CCNB2: variants seen among roughly 807,000 people sequenced by gnomAD.
CCNB2 encodes cyclin B2.
Under a neutral mutation model 51.1 loss-of-function variants are expected in CCNB2, and 39 were observed. That is an observed-to-expected ratio of 0.76 (90% CI 0.59 to 1.00). The LOEUF (loss-of-function observed/expected upper bound fraction) is 1.00. Among genes scored for constraint, CCNB2 ranks in the 50% least tolerant of loss-of-function variants. CCNB2 has a pLI of 0.00. For missense variants in CCNB2, 472 were observed against 470.3 expected (o/e 1.00, Z -0.03); for synonymous variants, 174 against 165.5 (o/e 1.05, Z -0.40).
chr15:59,120,152 G>A (rs1566957700), intron 7 of CCNB2, among the ~76,000 whole-genome samples: 1 of 152,204 alleles, frequency 6.6e-6, no homozygotes, highest in Non-Finnish European at 1.5e-5. Context: ...TGACAACTCA[G>A]TAGTAGTGAG....
At chr15:59,117,653 G>A (rs2079284715) in intron 7 of CCNB2, among the ~76,000 whole-genome samples, 1 of 152,084 alleles carries the variant, frequency 6.6e-6, no homozygotes, top group Admixed American at 6.5e-5. Context: ...AAATTTTTTT[G>A]TAGAGACAGG....
chr15:59,115,354 G>GT (rs1301431121), intron 5 of CCNB2, among the ~76,000 whole-genome samples: 1 of 152,092 alleles, frequency 6.6e-6, no homozygotes, highest in South Asian at 2.1e-4. Context: ...GGCAGTATTT[G>GT]TTTTTTTTAA....
chr15:59,116,872 G>A lies in CCNB2; in HGVS notation c.780G>A (p.Glu260=), dbSNP rs2079281178. Residue 260 remains glutamate (E), a synonymous_variant, in exon 6 of 9, where the codon GAG becomes GAA. Transcript: ENST00000288207. ...ETLILKELKF[E]LGRPLPLHFL... is the part of the protein sequence containing the mutation. ...TAATTTTGAAAGAATTGAAATTTGA[G>A]TTGGGTCGACCCTTGCCACTACACT... 1.2e-6 allele frequency: 2 copies of A among 1,614,212 alleles called. No individual in the cohort carries two copies. Among genetic ancestry groups the A allele is most frequent in the Non-Finnish European group, 1.7e-6 (2 of 1,180,026 alleles).
At chr15:59,123,693 C>CGGGGG (rs371736407) in intron 8 of CCNB2, 66 bp downstream of exon 8, 2 of 384,588 alleles carry the variant, frequency 5.2e-6, no homozygotes, top group African/African-American at 2.9e-5. Context: ...GTATGTTGGG[C>CGGGGG]GGGGGGGGGC....
chr15:59,117,208 C>A lies in CCNB2; in HGVS notation c.835-20C>A, dbSNP rs769923427. On this transcript the variant is annotated intron_variant, in intron 6 of 8. Coordinates refer to ENST00000288207, the MANE Select transcript of CCNB2 (RefSeq NM_004701.4). ...TAATTACACTTGTGATTCTTACTAT[C>A]CCTTGCTGTTCTTTCTTAGGTTGAT... The A allele has an allele frequency of 5.6e-6, 9 of 1,608,908 alleles. No homozygotes were observed. The highest frequency in any genetic ancestry group is 1.7e-5 in the Admixed American group (1 of 59,944).
At chr15:59,111,176 T>G (rs759603459) in intron 3 of CCNB2, among the ~76,000 whole-genome samples, 1 of 152,228 alleles carries the variant, frequency 6.6e-6, no homozygotes, top group Non-Finnish European at 1.5e-5. Flanking sequence ...GCAAGAATCT[T>G]TGTCTTATCC....
Position 59,117,296 on chromosome 15 carries a change from G to T in CCNB2, c.903G>T (p.Val301=). The change falls in exon 7 of 9, where the codon GTG becomes GTT. Residue 301 remains valine (V), a synonymous_variant. Coordinates refer to ENST00000288207, the MANE Select transcript of CCNB2 (RefSeq NM_004701.4). ...TGACTCTCATCGACTATGATATGGT[G>T]CATTATCATCCTTCTAAGGTAGCAG... ...MELTLIDYDM[V]HYHPSKVAAA... 1 of 1,613,170 alleles carries T rather than the reference G, an allele frequency of 6.2e-7. No homozygotes were observed. The highest frequency in any genetic ancestry group is 1.3e-5 in the African/African-American group (1 of 75,000).
At chr15:59,124,058 C>G (rs1306472861) in intron 8 of CCNB2, 1 of 164,018 alleles carries the variant, frequency 6.1e-6, no homozygotes, top group Non-Finnish European at 1.3e-5. Flanking sequence ...TGTCCAGGGT[C>G]TTTTGAGGCA....
At chr15:59,113,981 C>T (rs1478264156) in intron 3 of CCNB2, among the ~76,000 whole-genome samples, 3 of 152,200 alleles carry the variant, frequency 2.0e-5, no homozygotes, top group Non-Finnish European at 4.4e-5. Flanking sequence ...GAATTACAGG[C>T]GTGAGCCACC....
intron 3 of CCNB2, among the ~76,000 whole-genome samples, chr15:59,109,213 G>T (rs2079247903): frequency 6.6e-6 from 1 of 152,206 alleles, no homozygotes; most frequent in East Asian, 1.9e-4. Context: ...ACCATGCCCA[G>T]CTGATTTTCA....
chr15:59,107,302 C>CTT lies in CCNB2; in HGVS notation c.25-5_25-4dup, dbSNP rs11293095. On this transcript the variant is annotated intron_variant, in intron 1 of 8. Transcript: ENST00000288207. ...TTCAAATTCTTTCAAGGTTTCATTACTTTTTTTTTTTTTTTTCAGGTGTCC... is the reference window on the plus strand; with the variant it reads ...TTCAAATTCTTTCAAGGTTTCATTACTTTTTTTTTTTTTTTTTTCAGGTGTCC... 4.8e-3 allele frequency: 6,646 copies of CTT among 1,376,232 alleles called. No individual in the cohort carries two copies. The highest frequency in any genetic ancestry group is 0.014 in the South Asian group (973 of 70,744). 85.3% of individuals were successfully genotyped at this position (1,376,232 alleles called of 1,614,324 possible). A position where few individuals can be genotyped will look rare whatever the true frequency, so the allele number is the denominator to read the frequency against.
intron 7 of CCNB2, among the ~76,000 whole-genome samples, chr15:59,119,963 C>T (rs1386838597): frequency 6.6e-6 from 1 of 152,126 alleles, no homozygotes; most frequent in Non-Finnish European, 1.5e-5. Context: ...TCGCCTTGGC[C>T]TCCCAAAGTG....
chr15:59,124,717 G>A (rs2079317762), intron 8 of CCNB2, 50 bp from the exon 9 acceptor site: 2 of 1,199,740 alleles, frequency 1.7e-6, no homozygotes, highest in Admixed American at 1.7e-5. Context: ...TAGGAATAAG[G>A]TATCATTGGG....
Position 59,120,440 on chromosome 15 carries a change from T to C in CCNB2, c.975+3072T>C, listed in dbSNP as rs540347524. Among the ~76,000 whole-genome samples the C allele has an allele frequency of 2.0e-5, 3 of 152,164 alleles. No homozygotes were observed. In the South Asian group the frequency reaches 6.2e-4, roughly 32 times the overall value. ...AGGAGTTGGAGGCTGCATTGACCTA[T>C]GATTGCACCACAATAAAATAGGAAG... is the stretch of plus-strand genomic sequence containing the variant. On this transcript the variant is annotated intron_variant, in intron 7 of 8. Coordinates refer to ENST00000288207, the MANE Select transcript of CCNB2 (RefSeq NM_004701.4).
At chr15:59,115,534 A>G (rs1426365557) in intron 5 of CCNB2, 1 of 151,990 alleles carries the variant, frequency 6.6e-6, no homozygotes, top group African/African-American at 2.4e-5. Context: ...TATCTACCAA[A>G]CAATAGCCCT....
At chr15:59,118,511 C>T (rs1412139730) in intron 7 of CCNB2, among the ~76,000 whole-genome samples, 1 of 152,172 alleles carries the variant, frequency 6.6e-6, no homozygotes, top group East Asian at 1.9e-4. Context: ...GGCAAAACCC[C>T]CGTCTCTACT....
In CCNB2 at chr15:59,116,706, G is replaced by A. The variant is rs750922699; in HGVS notation, c.614G>A (p.Arg205Gln). 3.8e-5 allele frequency: 62 copies of A among 1,610,518 alleles called. No homozygotes were observed. Among genetic ancestry groups the A allele is most frequent in the Middle Eastern group, 4.4e-4 (2 of 4,580 alleles). ...TTCCATTAGGTTCAGCCAGTTTCCC[G>A]GAAGAAGCTTCAATTAGTTGGGATT... ...DRFLQVQPVS[R>Q]KKLQLVGITA... Residue 205 changes from arginine (R) to glutamine (Q), a missense_variant, in exon 6 of 9, where the codon CGG (arginine) becomes CAG (glutamine). Arg to Gln is a conservative substitution (Grantham distance 43). Coordinates refer to ENST00000288207, the MANE Select transcript of CCNB2 (RefSeq NM_004701.4).
intron 3 of CCNB2, among the ~76,000 whole-genome samples, chr15:59,110,950 T>C (rs552768207): frequency 4.7e-4 from 71 of 152,306 alleles, no homozygotes; most frequent in Non-Finnish European, 8.8e-4. Flanking sequence ...CGATTCTGTC[T>C]AGAGGAGCTC....
At chr15:59,123,813 CT>C in intron 8 of CCNB2, 186 bp downstream of exon 8, 1 of 535,544 alleles carries the variant, frequency 1.9e-6, no homozygotes, top group Middle Eastern at 5.0e-4. Flanking sequence ...CTGATAAACC[CT>C]GAAAGCAAGC....
Sources: gnomAD v4.1 joint callset for allele counts (sites outside exome capture counted in the v4.1 genomes callset) on GRCh38, gnomAD v4.1.1 for gene constraint, MANE v1.5 for transcripts, NCBI Gene and HGNC (gene_info 2026-07-23, HGNC 2026-07-21) for gene names.